Variants in EXOC6 observed in about 807,000 individuals in gnomAD.
EXOC6 encodes the protein exocyst complex component 6.
Under a neutral mutation model 112.5 loss-of-function variants are expected in EXOC6, and 60 were observed. The ratio of observed to expected loss-of-function variants is 0.53; its 90% CI spans 0.43 to 0.66. EXOC6 has a LOEUF of 0.66. EXOC6 is among the 30% of genes least tolerant of loss of function. The pLI is 0.00. For synonymous variants in EXOC6, 295 were observed against 308.0 expected, an observed-to-expected ratio of 0.96 and a Z score of 0.44; for missense variants, 855 against 957.1, an observed-to-expected ratio of 0.89 and a Z score of 1.41.
chr10:93,005,563 A>G (rs988781279), intron 19 of EXOC6, among the ~76,000 whole-genome samples: 1 of 151,188 alleles, frequency 6.6e-6, no homozygotes, highest in South Asian at 2.1e-4. Context: ...AAGGTGTCAC[A>G]GAAATTCTTC....
intron 1 of EXOC6, among the ~76,000 whole-genome samples, chr10:92,888,419 C>A (rs1192089395): frequency 6.6e-6 from 1 of 152,118 alleles, no homozygotes; most frequent in Non-Finnish European, 1.5e-5. Context: ...ACTTTCTAAA[C>A]TGAAATAGAC....
intron 20 of EXOC6, among the ~76,000 whole-genome samples, chr10:93,024,402 C>T (rs768427633): frequency 3.9e-5 from 6 of 152,100 alleles, no homozygotes; most frequent in Non-Finnish European, 5.9e-5. Flanking sequence ...ATTTTAACCC[C>T]TCTTAGAGAC....
intron 9 of EXOC6, among the ~76,000 whole-genome samples, chr10:92,932,858 AAAT>A (rs1852124856): frequency 6.6e-6 from 1 of 152,204 alleles, no homozygotes; most frequent in Non-Finnish European, 1.5e-5. Context: ...CAATAAGAAA[AAAT>A]AAGATAGAAT....
intron 18 of EXOC6, among the ~76,000 whole-genome samples, chr10:92,986,034 A>C (rs835248): frequency 0.011 from 1,622 of 152,234 alleles, 34 homozygotes; most frequent in African/African-American, 0.037. Flanking sequence ...TAATTTTTAA[A>C]AATTTATAAT....
upstream of EXOC6, chr10:92,831,316 G>A: frequency 7.8e-7 from 1 of 1,288,998 alleles, no homozygotes; most frequent in Non-Finnish European, 1.0e-6. Flanking sequence ...ACCGGAAGAG[G>A]ATGAATGTGC....
intron 20 of EXOC6, among the ~76,000 whole-genome samples, chr10:93,035,584 G>T (rs1845478983): frequency 6.6e-6 from 1 of 152,220 alleles, no homozygotes; most frequent in Non-Finnish European, 1.5e-5. Flanking sequence ...GCCTGTCGTG[G>T]TGGCTCACGC....
At chr10:93,002,797 AC>A (rs565916723) in intron 19 of EXOC6, among the ~76,000 whole-genome samples, 182 of 152,260 alleles carry the variant, frequency 1.2e-3, no homozygotes, top group African/African-American at 4.2e-3. Context: ...CAGTCTAATT[AC>A]CCTTTCAAAT....
chr10:93,047,738 G>A (rs576817145), intron 20 of EXOC6, among the ~76,000 whole-genome samples: 47 of 152,162 alleles, frequency 3.1e-4, no homozygotes, highest in African/African-American at 9.6e-4. Flanking sequence ...ACGAGGTCAG[G>A]AGTTTGAGAC....
intron 13 of EXOC6, among the ~76,000 whole-genome samples, chr10:92,943,467 T>C (rs1852791137): frequency 6.6e-6 from 1 of 152,220 alleles, no homozygotes; most frequent in Non-Finnish European, 1.5e-5. Context: ...AAAACTTGAC[T>C]ACTTCCATGA....
At chr10:92,917,971 C>T (rs1002792235) in intron 7 of EXOC6, among the ~76,000 whole-genome samples, 18 of 151,986 alleles carry the variant, frequency 1.2e-4, no homozygotes, top group Non-Finnish European at 1.8e-4. Context: ...GCCAACATGG[C>T]GAAACCCTTT....
At chr10:92,990,106 C>G (rs1050015513) in intron 18 of EXOC6, among the ~76,000 whole-genome samples, 7 of 152,036 alleles carry the variant, frequency 4.6e-5, no homozygotes, top group African/African-American at 1.7e-4. Context: ...TAGTCAAGGT[C>G]CACTCTTTGA....
At chr10:92,896,017 A>ATGTG (rs1564809341) in intron 4 of EXOC6, among the ~76,000 whole-genome samples, 3 of 142,640 alleles carry the variant, frequency 2.1e-5, no homozygotes, top group Non-Finnish European at 4.5e-5. Flanking sequence ...ATGTGTATAT[A>ATGTG]TGTGTATATA....
intron 19 of EXOC6, among the ~76,000 whole-genome samples, chr10:93,009,421 T>TA (rs1296704751): frequency 6.6e-6 from 1 of 152,072 alleles, no homozygotes; most frequent in Non-Finnish European, 1.5e-5. Context: ...GAATACTCAT[T>TA]ATAAGTCAGG....
chr10:92,943,660 A>G lies in EXOC6; in HGVS notation c.1310+2836A>G, dbSNP rs76918094. On this transcript the variant is annotated intron_variant, in intron 13 of 21. Transcript: ENST00000260762. ...GATGTTTTGGTATATTGTATACATTATGGAATGATTAAATCAAGCAAATTA... is the reference window on the plus strand; with the variant it reads ...GATGTTTTGGTATATTGTATACATTGTGGAATGATTAAATCAAGCAAATTA... Among the ~76,000 whole-genome samples, 447 of 151,784 alleles carry G rather than the reference A, an allele frequency of 2.9e-3. 2 individuals are homozygous for G. The highest frequency in any genetic ancestry group is 0.01 in the African/African-American group (429 of 41,392).
intron 1 of EXOC6, chr10:92,834,861 C>A: frequency 7.5e-7 from 1 of 1,326,430 alleles, no homozygotes; most frequent in Non-Finnish European, 1.1e-6. Context: ...TCTTCTTTAG[C>A]GGTGATAAGG....
At chr10:92,959,640 C>T (rs1190983373) in intron 17 of EXOC6, among the ~76,000 whole-genome samples, 3 of 152,124 alleles carry the variant, frequency 2.0e-5, no homozygotes, top group Non-Finnish European at 4.4e-5. Context: ...TCTGAAATTG[C>T]AAAGAACTCC....
chr10:92,855,620 T>G (rs1025615543), intron 1 of EXOC6, among the ~76,000 whole-genome samples: 1 of 152,192 alleles, frequency 6.6e-6, no homozygotes, highest in Non-Finnish European at 1.5e-5. Flanking sequence ...TTTCTTGAGT[T>G]AGTTTTGATA....
At chr10:93,016,581 T>C (rs1048317681) in intron 20 of EXOC6, among the ~76,000 whole-genome samples, 7 of 152,218 alleles carry the variant, frequency 4.6e-5, no homozygotes, top group Non-Finnish European at 1.0e-4. Context: ...AAGAGAGACA[T>C]ATTAGGGCTT....
chr10:92,927,325 A>G (rs1851777335), intron 8 of EXOC6, among the ~76,000 whole-genome samples: 1 of 152,092 alleles, frequency 6.6e-6, no homozygotes, highest in Admixed American at 6.6e-5. Context: ...AGGTATAGTA[A>G]TTAATTTATT....
Sources: gnomAD v4.1 joint callset for allele counts (sites outside exome capture counted in the v4.1 genomes callset) on GRCh38, gnomAD v4.1.1 for gene constraint, MANE v1.5 for transcripts, NCBI Gene and HGNC (gene_info 2026-07-23, HGNC 2026-07-21) for gene names.